The following PLOD2 variants were observed in gnomAD, a reference collection of about 807,000 sequenced individuals.
PLOD2 encodes lysine hydroxylase 2.
PLOD2 carries 65 observed loss-of-function variants against 101.0 expected under a neutral mutation model. The observed-to-expected ratio is 0.64, with a 90% CI of 0.53 to 0.79. The LOEUF (loss-of-function observed/expected upper bound fraction) is 0.79. PLOD2 is among the 30% of genes least tolerant of loss of function. PLOD2 has a pLI of 0.00. For missense variants in PLOD2, 909 were observed against 914.6 expected (o/e 0.99, Z 0.08); for synonymous variants, 314 against 302.9 (o/e 1.04, Z -0.38).
chr3:146,151,366 G>A (rs145435198), intron 1 of PLOD2, among the ~76,000 whole-genome samples: 1 of 152,186 alleles, frequency 6.6e-6, no homozygotes, highest in African/African-American at 2.4e-5. Context: ...GCATAGTAGC[G>A]CATGCCTGTA....
chr3:146,106,000 A>G (rs1276527048), intron 5 of PLOD2, among the ~76,000 whole-genome samples: 5 of 152,252 alleles, frequency 3.3e-5, no homozygotes, highest in Non-Finnish European at 1.5e-5. Context: ...CTAATGCTCT[A>G]TGTTAATAAA....
At chr3:146,095,469 C>T (rs924030047) in intron 7 of PLOD2, among the ~76,000 whole-genome samples, 3 of 152,052 alleles carry the variant, frequency 2.0e-5, no homozygotes, top group Non-Finnish European at 4.4e-5. Flanking sequence ...AGCTCATCAT[C>T]ACTGGTCATC....
chr3:146,146,780 G>T (rs567022989), intron 1 of PLOD2, among the ~76,000 whole-genome samples: 70 of 152,330 alleles, frequency 4.6e-4, no homozygotes, highest in Non-Finnish European at 7.6e-4. Context: ...TATTCTAGAA[G>T]TCACTGCTGA....
Position 146,085,224 on chromosome 3 carries a change from C to T in PLOD2, c.1177G>A (p.Ala393Thr), listed in dbSNP as rs1936716752. The change falls in exon 11 of 20, where the codon GCA becomes ACA. Residue 393 changes from alanine (A) to threonine (T), a missense_variant. Transcript: ENST00000282903. ...CTTGGATTTGTCAAAACAACATCTG[C>T]ATCCACACTAAAGTAATAATCACAC... ...EKCDYYFSVD[A>T]DVVLTNPRTL... 4 of 1,609,140 alleles carry T rather than the reference C, an allele frequency of 2.5e-6. No homozygotes were observed. In the South Asian group the frequency reaches 3.3e-5, roughly 13 times the overall value.
chr3:146,104,773 A>C (rs978644283), intron 5 of PLOD2, among the ~76,000 whole-genome samples: 1 of 152,212 alleles, frequency 6.6e-6, no homozygotes, highest in Non-Finnish European at 1.5e-5. Flanking sequence ...ATTGTACCCA[A>C]CATTCCCTCA....
Position 146,071,135 on chromosome 3 carries a change from G to C in PLOD2, c.2028C>G (p.Tyr676Ter). ...GAAGAGAACGCTGTCGTTCAGGGGAGTATTTTACTACAAAATTCAGTAGTG... is the reference window on the plus strand; with the variant it reads ...GAAGAGAACGCTGTCGTTCAGGGGACTATTTTACTACAAAATTCAGTAGTG... ...GFALLNFVVKYSPERQRSLRP... is the reference protein window; with the variant it reads ...GFALLNFVVK The change falls in exon 19 of 20, where the codon TAC becomes TAG. Residue 676 changes from tyrosine to a stop codon, truncating the protein, a stop_gained. Transcript: ENST00000282903. LOFTEE classifies it high-confidence loss of function. 1 of 1,610,996 alleles carries C rather than the reference G, an allele frequency of 6.2e-7. No individual in the cohort carries two copies. The highest frequency in any genetic ancestry group is 8.5e-7 in the Non-Finnish European group (1 of 1,177,954).
chr3:146,083,436 C>A (rs191748859), intron 11 of PLOD2, among the ~76,000 whole-genome samples: 3 of 152,236 alleles, frequency 2.0e-5, no homozygotes, highest in Admixed American at 2.0e-4. Flanking sequence ...ACTATAGAAA[C>A]CACATGTCTA....
In PLOD2 at chr3:146,072,665, G is replaced by T. The variant is rs374567883; in HGVS notation, c.1744C>A (p.Pro582Thr). 2 of 1,576,604 alleles carry T rather than the reference G, an allele frequency of 1.3e-6. No homozygotes were observed. The highest frequency in any genetic ancestry group is 1.7e-6 in the Non-Finnish European group (2 of 1,146,874). The change falls in exon 17 of 20, where the codon CCC (proline) becomes ACC (threonine). Residue 582 changes from proline to threonine, a missense_variant and splice_region_variant. Physicochemically the swap from Pro to Thr is conservative, Grantham distance 38. Coordinates refer to ENST00000282903, the MANE Select transcript of PLOD2 (RefSeq NM_182943.3). The part of the protein sequence containing the change: ...KIFTENIVEQ[P>T]CPDVFWFPIF... ...GGGAACCAAAAGACATCTGGACAGG[G>T]CTATAAAATATGCATCATCGTTAGA... is the stretch of plus-strand genomic sequence containing the variant.
chr3:146,151,831 G>C (rs2032071856), intron 1 of PLOD2, among the ~76,000 whole-genome samples: 1 of 152,098 alleles, frequency 6.6e-6, no homozygotes, highest in Admixed American at 6.5e-5. Context: ...CAAAGCAACA[G>C]AACACAGACT....
At chr3:146,085,719 T>C (rs1300490160) in intron 10 of PLOD2, 1 of 167,994 alleles carries the variant, frequency 6.0e-6, no homozygotes, top group African/African-American at 2.4e-5. Context: ...AAGATAGTTA[T>C]TCCCCTGCCT....
chr3:146,160,913 G>A lies in PLOD2; in HGVS notation c.77C>T (p.Ala26Val), dbSNP rs867491146. The A allele has an allele frequency of 2.5e-6, 4 of 1,593,898 alleles. No homozygotes were observed. Among genetic ancestry groups the A allele is most frequent in the Non-Finnish European group, 3.4e-6 (4 of 1,170,146 alleles). ...VLHPWNPCLG[A>V]DSEKPSSIPT... is the part of the protein sequence containing the mutation. ...GATGCTCGAGGGCTTCTCCGAGTCC[G>A]CACCCAGACAGGGATTCCAGGGGTG... Residue 26 changes from alanine (A) to valine (V), a missense_variant, in exon 1 of 20, where the codon GCG becomes GTG. Physicochemically the swap from Ala to Val is moderately conservative, Grantham distance 64. Transcript: ENST00000282903.
intron 2 of PLOD2, among the ~76,000 whole-genome samples, chr3:146,122,399 C>T (rs1308762586): frequency 6.6e-6 from 1 of 152,188 alleles, no homozygotes; most frequent in Non-Finnish European, 1.5e-5. Context: ...CCAACGACAT[C>T]TGAGAGTCTA....
intron 1 of PLOD2, among the ~76,000 whole-genome samples, chr3:146,141,457 A>G (rs971071652): frequency 6.6e-6 from 1 of 152,212 alleles, no homozygotes; most frequent in Admixed American, 6.5e-5. Flanking sequence ...CCTCAGGAGA[A>G]GTTCATGTTC....
At chr3:146,084,221 AATTACCT>A (rs1363001147) in intron 11 of PLOD2, among the ~76,000 whole-genome samples, 1 of 152,090 alleles carries the variant, frequency 6.6e-6, no homozygotes, top group Non-Finnish European at 1.5e-5. Context: ...TGCTTTGGAA[AATTACCT>A]ACGATGTATA....
At chr3:146,145,256 A>G (rs2031724169) in intron 1 of PLOD2, among the ~76,000 whole-genome samples, 1 of 152,148 alleles carries the variant, frequency 6.6e-6, no homozygotes. Context: ...ACACACATAC[A>G]AAACCAAAAA....
rs568439345 is a variant in PLOD2 at position 146,075,150 on chromosome 3, T to G, written c.1677+1632A>C. Among the ~76,000 whole-genome samples the G allele has an allele frequency of 4.2e-3, 638 of 151,718 alleles. 7 individuals carry two copies. Among genetic ancestry groups the G allele is most frequent in the Non-Finnish European group, 7.9e-3 (534 of 67,708 alleles). ...ACACCTCTTTTCAGCTTTATTTCTG[T>G]GAAAGAGGAAGGTATGTGGTTAAAA... On this transcript the variant is annotated intron_variant, in intron 15 of 19. Transcript: ENST00000282903.
chr3:146,136,211 T>C (rs569045701), intron 1 of PLOD2, among the ~76,000 whole-genome samples: 2 of 152,312 alleles, frequency 1.3e-5, no homozygotes, highest in Admixed American at 6.5e-5. Flanking sequence ...AGTACTTTTA[T>C]AGTTTCATTT....
At chr3:146,080,631 A>G (rs1425329705) in intron 12 of PLOD2, among the ~76,000 whole-genome samples, 1 of 152,076 alleles carries the variant, frequency 6.6e-6, no homozygotes, top group Non-Finnish European at 1.5e-5. Context: ...CAAGAATGAC[A>G]GGAGGTTGGA....
At chr3:146,083,727 G>A (rs886609671) in intron 11 of PLOD2, among the ~76,000 whole-genome samples, 7 of 151,698 alleles carry the variant, frequency 4.6e-5, no homozygotes, top group African/African-American at 1.7e-4. Context: ...GACTACAGGT[G>A]CCCGCTACCA....
Sources: gnomAD v4.1 joint callset for allele counts (sites outside exome capture counted in the v4.1 genomes callset) on GRCh38, gnomAD v4.1.1 for gene constraint, MANE v1.5 for transcripts, NCBI Gene and HGNC (gene_info 2026-07-23, HGNC 2026-07-21) for gene names.